Variants in EDARADD observed in about 807,000 individuals in gnomAD.
EDARADD encodes EDAR associated via death domain.
EDARADD carries 20 observed loss-of-function variants against 25.6 expected under a neutral mutation model. That is an observed-to-expected ratio of 0.78 (90% CI 0.55 to 1.14). EDARADD has a LOEUF of 1.14. Among genes scored for constraint, EDARADD ranks in the 50% most tolerant of loss-of-function variants. The probability of loss-of-function intolerance (pLI) is 0.00; values close to 1 mark genes in which losing one functional copy is unlikely to be tolerated. For synonymous variants in EDARADD, 86 were observed against 94.4 expected, an observed-to-expected ratio of 0.91 and a Z score of 0.52; for missense variants, 225 against 270.1, an observed-to-expected ratio of 0.83 and a Z score of 1.17.
chr1:236,422,302 C>T (rs1657802033), intron 3 of EDARADD, among the ~76,000 whole-genome samples: 1 of 152,132 alleles, frequency 6.6e-6, no homozygotes, highest in Non-Finnish European at 1.5e-5. Context: ...AGTGGGACTC[C>T]AAAGGAGACT....
chr1:236,388,925 C>T (rs1667388889), intron 3 of EDARADD, among the ~76,000 whole-genome samples: 1 of 152,184 alleles, frequency 6.6e-6, no homozygotes, highest in African/African-American at 2.4e-5. Context: ...ATACTGAACG[C>T]TAGCTATGGT....
At chr1:236,472,689 T>C (rs1659390519) in intron 5 of EDARADD, among the ~76,000 whole-genome samples, 1 of 152,144 alleles carries the variant, frequency 6.6e-6, no homozygotes, top group Admixed American at 6.5e-5. Context: ...TTCTATTCAT[T>C]GTTGCATGCT....
intron 4 of EDARADD, among the ~76,000 whole-genome samples, chr1:236,459,107 C>T (rs568311115): frequency 1.7e-4 from 26 of 152,170 alleles, no homozygotes; most frequent in African/African-American, 6.3e-4. Context: ...GAGACTGAAC[C>T]GGGGTGTCTG....
chr1:236,397,308 G>C lies in EDARADD; in HGVS notation c.61+2803G>C, dbSNP rs937529106. 2.6e-5 allele frequency among the ~76,000 whole-genome samples: 4 copies of C among 152,124 alleles called. No individual in the cohort carries two copies. The East Asian group carries it at 7.7e-4, about 29-fold the overall frequency. On this transcript the variant is annotated intron_variant, in intron 1 of 5. Coordinates refer to ENST00000334232, the MANE Select transcript of EDARADD (RefSeq NM_145861.4). ...ACCTATAGTCCCAGCTACTCGGGGGGCTGAGGCAGGAGGATTGCTTGAGTC... is the reference window on the plus strand; with the variant it reads ...ACCTATAGTCCCAGCTACTCGGGGGCCTGAGGCAGGAGGATTGCTTGAGTC...
exon 3 of EDARADD, chr1:236,350,794 T>C (rs1666907049): frequency 6.6e-6 from 1 of 152,268 alleles, no homozygotes; most frequent in African/African-American, 2.4e-5. Context: ...CAGTCATGCC[T>C]GCCTCCAGCC....
intron 4 of EDARADD, among the ~76,000 whole-genome samples, chr1:236,449,874 G>A (rs1658662208): frequency 6.6e-6 from 1 of 152,308 alleles, no homozygotes; most frequent in Admixed American, 6.5e-5. Flanking sequence ...GCCAAGGCAG[G>A]TGGATTGCCT....
upstream of EDARADD, among the ~76,000 whole-genome samples, chr1:236,390,416 G>A (rs1408078226): frequency 3.3e-5 from 5 of 152,240 alleles, no homozygotes; most frequent in African/African-American, 7.2e-5. Flanking sequence ...TTAGCTGGGC[G>A]TGGTGGCGGG....
chr1:236,440,138 T>G (rs1304642261), intron 4 of EDARADD, among the ~76,000 whole-genome samples: 3 of 152,232 alleles, frequency 2.0e-5, no homozygotes, highest in Non-Finnish European at 4.4e-5. Flanking sequence ...TATATTGCCT[T>G]TGCTCCTTTG....
chr1:236,442,371 C>T (rs1187546429), intron 4 of EDARADD, among the ~76,000 whole-genome samples: 3 of 152,218 alleles, frequency 2.0e-5, no homozygotes, highest in Admixed American at 6.5e-5. Context: ...AGTGATCCTC[C>T]CGCCTTGGCC....
chr1:236,355,500 C>CTTTTTTTTTTTTTTTTTTTT, intron 3 of EDARADD, among the ~76,000 whole-genome samples: 1 of 73,142 alleles, frequency 1.4e-5, no homozygotes, highest in Non-Finnish European at 2.4e-5. Context: ...GCTTCTTCTT[C>CTTTTTTTTTTTTTTTTTTTT]TTTTTTTTTT....
chr1:236,349,492 GA>G lies in EDARADD; in HGVS notation c.-142+529del, dbSNP rs1308477765. On this transcript the variant is annotated intron_variant, in intron 2 of 7. Coordinates refer to the EDARADD transcript ENST00000439430. ...TGAGACATCAATCAAATACATTTAA[GA>G]AATACATTGGTTTGGTTCAGAAAGG... Among the ~76,000 whole-genome samples the G allele has an allele frequency of 1.0e-4, 15 of 150,064 alleles. No homozygotes were observed. In the South Asian group the frequency reaches 3.2e-3, roughly 32 times the overall value.
chr1:236,433,899 CA>C (rs974422755), intron 4 of EDARADD, among the ~76,000 whole-genome samples: 44 of 127,158 alleles, frequency 3.5e-4, no homozygotes, highest in Admixed American at 9.3e-4. Context: ...ACAAAAAAAA[CA>C]AAAAAAAAAA....
At chr1:236,431,994 A>G (rs923699687) in intron 4 of EDARADD, among the ~76,000 whole-genome samples, 6 of 152,066 alleles carry the variant, frequency 3.9e-5, no homozygotes, top group Middle Eastern at 3.4e-3. Context: ...GAGGCAGTGC[A>G]CACAGTTTGA....
intron 4 of EDARADD, among the ~76,000 whole-genome samples, chr1:236,447,233 C>CTTTCTTTCTTTCTTTTCTTTCTTT (rs59368020): frequency 9.6e-6 from 1 of 104,624 alleles, no homozygotes; most frequent in Non-Finnish European, 1.8e-5. Flanking sequence ...TCCTTTCTTT[C>CTTTCTTTCTTTCTTTTCTTTCTTT]CTTTCTTTCC....
At chr1:236,428,539 T>C (rs76873197) in intron 4 of EDARADD, among the ~76,000 whole-genome samples, 65,944 of 146,942 alleles carry the variant, frequency 0.45, 16,968 homozygotes, top group Non-Finnish European at 0.58. Flanking sequence ...ACTTCTCAGA[T>C]GGGGCGGCCA....
At position 236,398,638 on chromosome 1, in the gene EDARADD, C is replaced by T. The variant is rs150396617; in HGVS notation, c.61+4133C>T. Among the ~76,000 whole-genome samples the T allele has an allele frequency of 5.3e-4, 80 of 152,320 alleles. No individual in the cohort carries two copies. The highest frequency in any genetic ancestry group is 1.0e-3 in the Non-Finnish European group (69 of 68,034). On this transcript the variant is annotated intron_variant, in intron 1 of 5. Coordinates refer to ENST00000334232, the MANE Select transcript of EDARADD (RefSeq NM_145861.4). This position sits in a 1 kb window ranked among gnomAD's most constrained non-coding sequence, Gnocchi z 4.1. ...CCTCTTGCACCCTCGTGCCTCCTGG[C>T]CTTTGCAAACTTTGTTCCTGCGGCC... is the stretch of plus-strand genomic sequence containing the variant.
chr1:236,363,006 A>AAAATATATATATATAT (rs1377112051), intron 3 of EDARADD, among the ~76,000 whole-genome samples: 4 of 42,946 alleles, frequency 9.3e-5, no homozygotes, highest in African/African-American at 4.4e-4. Flanking sequence ...AAAAAAAAAA[A>AAAATATATATATATAT]ATATATATAT....
chr1:236,352,213 C>T (rs1475510571), intron 3 of EDARADD, among the ~76,000 whole-genome samples: 3 of 152,144 alleles, frequency 2.0e-5, no homozygotes, highest in Admixed American at 6.5e-5. Flanking sequence ...GTATTATTTC[C>T]GTCTCAATGC....
intron 3 of EDARADD, among the ~76,000 whole-genome samples, chr1:236,423,108 A>G (rs1657822957): frequency 1.3e-5 from 2 of 152,120 alleles, no homozygotes; most frequent in Non-Finnish European, 1.5e-5. Flanking sequence ...AGCTCCAGAA[A>G]TCTCTGGGGG....
Sources: allele counts gnomAD v4.1 joint callset (sites outside exome capture counted in the v4.1 genomes callset), GRCh38; gene constraint gnomAD v4.1.1; non-coding constraint Gnocchi (gnomAD v3.1); transcripts MANE v1.5; gene names NCBI Gene and HGNC (gene_info 2026-07-23, HGNC 2026-07-21).